EPS15: variants seen among roughly 807,000 people sequenced by gnomAD.
EPS15 encodes epidermal growth factor receptor pathway substrate 15, also known as epidermal growth factor receptor substrate 15.
EPS15 carries 72 observed loss-of-function variants against 113.8 expected under a neutral mutation model. The observed-to-expected ratio is 0.63, with a 90% CI of 0.52 to 0.77. The LOEUF (loss-of-function observed/expected upper bound fraction) is 0.77. EPS15 is among the 30% of genes least tolerant of loss of function. The pLI, the probability that EPS15 is intolerant of heterozygous loss-of-function variation, is 0.00. For synonymous variants in EPS15, 344 were observed against 363.4 expected, an observed-to-expected ratio of 0.95 and a Z score of 0.61; for missense variants, 1,048 against 1,045.8, an observed-to-expected ratio of 1.00 and a Z score of -0.03.
intron 1 of EPS15, among the ~76,000 whole-genome samples, chr1:51,483,067 A>G (rs1644050643): frequency 6.6e-6 from 1 of 152,204 alleles, no homozygotes; most frequent in African/African-American, 2.4e-5. Context: ...AACCATTCCA[A>G]GTAGCATGAT....
chr1:51,430,977 TACAC>T (rs67920039), intron 12 of EPS15, among the ~76,000 whole-genome samples: 22,104 of 121,778 alleles, frequency 0.18, 1,391 homozygotes, highest in South Asian at 0.21. Context: ...ATTACTTACA[TACAC>T]ACACACACAC....
chr1:51,430,977 T>TACACACACACACACACAC (rs67920039), intron 12 of EPS15, among the ~76,000 whole-genome samples: 1 of 122,028 alleles, frequency 8.2e-6, no homozygotes, highest in Non-Finnish European at 1.7e-5. Flanking sequence ...ATTACTTACA[T>TACACACACACACACACAC]ACACACACAC....
rs1465633981 is a variant in EPS15 at position 51,354,484 on chromosome 1, T to A, written c.*2216A>T. ...TAATTACAGGCTACAACTTAGAGGTTTGAAACTTTAAGAGAAAATTCTATA... is the reference window on the plus strand; with the variant it reads ...TAATTACAGGCTACAACTTAGAGGTATGAAACTTTAAGAGAAAATTCTATA... On this transcript the variant is annotated 3_prime_UTR_variant, in exon 25 of 25. Coordinates refer to ENST00000371733, the MANE Select transcript of EPS15 (RefSeq NM_001981.3). 4.9e-5 allele frequency: 9 copies of A among 182,670 alleles called. No individual in the cohort carries two copies. Among genetic ancestry groups the A allele is most frequent in the Non-Finnish European group, 9.3e-5 (8 of 85,864 alleles). 11.3% of individuals were successfully genotyped at this position (182,670 alleles called of 1,614,324 possible).
intron 2 of EPS15, among the ~76,000 whole-genome samples, chr1:51,479,487 T>G (rs1373015702): frequency 6.6e-6 from 1 of 152,222 alleles, no homozygotes; most frequent in Non-Finnish European, 1.5e-5. Context: ...CCATCCAGCT[T>G]TGTTCCATTG....
chr1:51,397,231 C>G (rs1557798850), intron 20 of EPS15: 1 of 152,084 alleles, frequency 6.6e-6, no homozygotes, highest in Non-Finnish European at 1.5e-5. Flanking sequence ...GTAAATGAGA[C>G]AATGCATATA....
intron 21 of EPS15, among the ~76,000 whole-genome samples, chr1:51,380,742 GAC>G (rs1330926081): frequency 2.0e-5 from 3 of 151,914 alleles, no homozygotes; most frequent in Non-Finnish European, 2.9e-5. Context: ...CTAATGAAAA[GAC>G]ACAAACTGGT....
chr1:51,377,986 C>G (rs761628342), intron 21 of EPS15, among the ~76,000 whole-genome samples: 7 of 151,484 alleles, frequency 4.6e-5, no homozygotes, highest in Non-Finnish European at 1.0e-4. Context: ...ACCTCAGCCT[C>G]CTGGGTTCAA....
At chr1:51,384,827 C>T (rs1647026204) in intron 21 of EPS15, among the ~76,000 whole-genome samples, 1 of 152,010 alleles carries the variant, frequency 6.6e-6, no homozygotes, top group Admixed American at 6.6e-5. Flanking sequence ...AAGAAACGTG[C>T]CAAGAACAAA....
chr1:51,502,146 T>C (rs150299140), intron 1 of EPS15, among the ~76,000 whole-genome samples: 1 of 152,256 alleles, frequency 6.6e-6, no homozygotes, highest in African/African-American at 2.4e-5. Flanking sequence ...TGCATGCCTG[T>C]TGCCCCAGTT....
intron 11 of EPS15, 121 bp from the exon 12 acceptor site, chr1:51,440,553 G>T: frequency 2.6e-6 from 1 of 385,716 alleles, no homozygotes; most frequent in Middle Eastern, 7.3e-4. Context: ...GTATTACTGA[G>T]ATTTTTAATT....
At chr1:51,397,366 C>A (rs1270717862) in intron 20 of EPS15, among the ~76,000 whole-genome samples, 1 of 152,092 alleles carries the variant, frequency 6.6e-6, no homozygotes, top group Non-Finnish European at 1.5e-5. Context: ...GACAATATTC[C>A]TTTAGAAAAC....
intron 13 of EPS15, among the ~76,000 whole-genome samples, chr1:51,410,316 A>G (rs1406859502): frequency 6.6e-6 from 1 of 151,762 alleles, no homozygotes; most frequent in Non-Finnish European, 1.5e-5. Context: ...TCTTGAGCCC[A>G]GGAGGTCAAG....
chr1:51,368,069 C>G (rs1438763497), intron 21 of EPS15, among the ~76,000 whole-genome samples: 1 of 151,938 alleles, frequency 6.6e-6, no homozygotes, highest in South Asian at 2.1e-4. Context: ...AAGGTGGAGG[C>G]TGCAGTAAGC....
At chr1:51,474,663 T>C (rs1655476624) in intron 2 of EPS15, among the ~76,000 whole-genome samples, 3 of 152,108 alleles carry the variant, frequency 2.0e-5, no homozygotes, top group Admixed American at 2.0e-4. Context: ...GTAAACCAAA[T>C]GAAATAGTTT....
intron 1 of EPS15, among the ~76,000 whole-genome samples, chr1:51,508,328 A>G (rs796306856): frequency 0.029 from 2,485 of 84,604 alleles, 31 homozygotes; most frequent in African/African-American, 0.04. Context: ...GAAAGAGAGA[A>G]AGAGAAAGAG....
rs566988461 is a variant in EPS15 at position 51,514,677 on chromosome 1, C to A, written c.33+4522G>T. ...CGTTAGTCTGTTACTAGCATTCTGTCTGCAAATAGAGTGAAAACAAAGGAA... is the reference window on the plus strand; with the variant it reads ...CGTTAGTCTGTTACTAGCATTCTGTATGCAAATAGAGTGAAAACAAAGGAA... On this transcript the variant is annotated intron_variant, in intron 1 of 24. Transcript: ENST00000371733. 3.9e-5 allele frequency among the ~76,000 whole-genome samples: 6 copies of A among 152,262 alleles called. No homozygotes were observed. In the South Asian group the frequency reaches 1.2e-3, roughly 32 times the overall value.
intron 1 of EPS15, among the ~76,000 whole-genome samples, chr1:51,484,836 C>T (rs1644090883): frequency 6.6e-6 from 1 of 152,186 alleles, no homozygotes; most frequent in African/African-American, 2.4e-5. Context: ...ACACACTAGG[C>T]CACCAGCTGG....
At position 51,471,694 on chromosome 1, in the gene EPS15, T is replaced by G; in HGVS notation, c.209A>C (p.Lys70Thr). The G allele has an allele frequency of 6.2e-7, 1 of 1,608,264 alleles. No homozygotes were observed. Among genetic ancestry groups the G allele is most frequent in the Non-Finnish European group, 8.5e-7 (1 of 1,176,182 alleles). Residue 70 changes from lysine to threonine, a missense_variant, in exon 4 of 25, where the codon AAA (lysine) becomes ACA (threonine). Lys to Thr is a moderately conservative substitution (Grantham distance 78, BLOSUM62 -1). Transcript: ENST00000371733. ...ADTDGKGILN[K>T]QEFFVALRLV... ...ATATGAATATCTGAAACTTACTTGT[T>G]TGTTCAGGATACCTTTGCCATCTGT...
chr1:51,506,637 C>T (rs1644503108), intron 1 of EPS15, among the ~76,000 whole-genome samples: 1 of 151,782 alleles, frequency 6.6e-6, no homozygotes, highest in South Asian at 2.1e-4. Flanking sequence ...AAGCAGAAAA[C>T]GTGCCAAGCA....
Sources: allele counts gnomAD v4.1 joint callset (sites outside exome capture counted in the v4.1 genomes callset), GRCh38; gene constraint gnomAD v4.1.1; transcripts MANE v1.5; gene names NCBI Gene and HGNC (gene_info 2026-07-23, HGNC 2026-07-21).